DCC: variants seen among roughly 807,000 people sequenced by gnomAD.
DCC encodes DCC netrin 1 receptor, also known as netrin receptor DCC.
In DCC, 58 loss-of-function variants were observed where a neutral mutation model predicts 172.5. That is an observed-to-expected ratio of 0.34 (90% CI 0.27 to 0.42). DCC has a LOEUF of 0.42. Among genes scored for constraint, DCC ranks in the 10% least tolerant of loss-of-function variants. The probability of loss-of-function intolerance (pLI) is 1.00; values close to 1 mark genes in which losing one functional copy is unlikely to be tolerated. For synonymous variants in DCC, 709 were observed against 644.5 expected, an observed-to-expected ratio of 1.10 and a Z score of -1.52; for missense variants, 1,740 against 1,791.0, an observed-to-expected ratio of 0.97 and a Z score of 0.51.
intron 11 of DCC, among the ~76,000 whole-genome samples, chr18:53,213,174 A>G (rs1241783465): frequency 6.6e-6 from 1 of 152,246 alleles, no homozygotes; most frequent in Non-Finnish European, 1.5e-5. Context: ...AACAAAACAC[A>G]TGATAAATGT....
chr18:53,462,814 C>A (rs2045576530), intron 24 of DCC, among the ~76,000 whole-genome samples: 1 of 152,146 alleles, frequency 6.6e-6, no homozygotes, highest in Admixed American at 6.5e-5. Flanking sequence ...CGTCATGAGG[C>A]CTCTGGGAAA....
chr18:52,810,245 G>A (rs2038168894), intron 2 of DCC, among the ~76,000 whole-genome samples: 1 of 152,144 alleles, frequency 6.6e-6, no homozygotes, highest in African/African-American at 2.4e-5. Context: ...GATGCAGATA[G>A]AGACATCTAA....
At chr18:52,824,116 T>G (rs565989412) in intron 2 of DCC, among the ~76,000 whole-genome samples, 2 of 152,290 alleles carry the variant, frequency 1.3e-5, no homozygotes, top group East Asian at 3.9e-4. Context: ...CTGGTTGACT[T>G]GATTTATTCT....
intron 26 of DCC, among the ~76,000 whole-genome samples, chr18:53,494,500 T>C (rs367779641): frequency 3.9e-5 from 6 of 152,342 alleles, no homozygotes; most frequent in African/African-American, 1.4e-4. Context: ...TGCTCCTGCA[T>C]TGGGTGCATA....
Position 53,082,138 on chromosome 18 carries a change from T to C in DCC, c.1261+15972T>C, listed in dbSNP as rs1022316206. 2.0e-5 allele frequency among the ~76,000 whole-genome samples: 3 copies of C among 152,190 alleles called. No homozygotes were observed. The East Asian group carries it at 5.8e-4, about 29-fold the overall frequency. On this transcript the variant is annotated intron_variant, in intron 7 of 28. Transcript: ENST00000442544. The stretch of plus-strand genomic sequence containing the variant: ...TTCAATGGGGGCTTTCACTGTATTC[T>C]TTAAACTACCCTCGTCCTTATCAAT...
intron 7 of DCC, among the ~76,000 whole-genome samples, chr18:53,106,427 C>T (rs1174852010): frequency 6.6e-6 from 1 of 151,858 alleles, no homozygotes; most frequent in African/African-American, 2.4e-5. Flanking sequence ...GTTATTCTCT[C>T]CAGGTCCAGA....
intron 2 of DCC, among the ~76,000 whole-genome samples, chr18:52,766,462 T>C (rs1162444374): frequency 1.3e-5 from 2 of 151,870 alleles, no homozygotes; most frequent in African/African-American, 4.8e-5. Context: ...CCAGGAAATA[T>C]AAGGTTGCAT....
intron 2 of DCC, among the ~76,000 whole-genome samples, chr18:52,822,970 A>G (rs1163150330): frequency 6.6e-6 from 1 of 152,180 alleles, no homozygotes; most frequent in African/African-American, 2.4e-5. Context: ...GAGAAAATGA[A>G]CTTAAATAGC....
In DCC at chr18:53,263,857, ATAT is replaced by A. The variant is rs539800226; in HGVS notation, c.1912-41717_1912-41715del. On this transcript the variant is annotated intron_variant, in intron 12 of 28. Transcript: ENST00000442544. ...TTTGTAACAAACTCTGACCCTACTG[ATAT>A]TATATCCTTCTCAATTTGCAGTTGT... Among the ~76,000 whole-genome samples, 437 of 152,108 alleles carry A rather than the reference ATAT, an allele frequency of 2.9e-3. 1 individual carries two copies. Among genetic ancestry groups the A allele is most frequent in the Non-Finnish European group, 3.8e-3 (257 of 67,992 alleles).
chr18:52,772,883 A>G (rs2037366809), intron 2 of DCC, among the ~76,000 whole-genome samples: 1 of 152,112 alleles, frequency 6.6e-6, no homozygotes, highest in African/African-American at 2.4e-5. Context: ...TATCCTGGAG[A>G]CTTCCTGCTT....
intron 2 of DCC, among the ~76,000 whole-genome samples, chr18:52,884,023 G>T (rs1290608802): frequency 1.3e-5 from 2 of 151,570 alleles, no homozygotes; most frequent in Non-Finnish European, 2.9e-5. Context: ...AGTATATCAT[G>T]CCACTCTCTC....
At chr18:53,424,290 G>GAAGTAT (rs753593227) in intron 21 of DCC, among the ~76,000 whole-genome samples, 3 of 152,184 alleles carry the variant, frequency 2.0e-5, no homozygotes, top group Non-Finnish European at 2.9e-5. Context: ...TTGTGGCTAT[G>GAAGTAT]AAGTATGAAA....
chr18:53,519,308 A>G (rs967038271), intron 27 of DCC, among the ~76,000 whole-genome samples: 2 of 152,110 alleles, frequency 1.3e-5, no homozygotes, highest in African/African-American at 4.8e-5. Flanking sequence ...TTGAGCACTC[A>G]TTAAATACTT....
chr18:52,910,653 T>C lies in DCC; in HGVS notation c.697+4325T>C, dbSNP rs115652825. On this transcript the variant is annotated intron_variant, in intron 3 of 28. Transcript: ENST00000442544. ...TCATGTCTGAGTGCCAAGCAGGACATTGAATTGCACAATTATAAATCTGCT... is the reference window on the plus strand; with the variant it reads ...TCATGTCTGAGTGCCAAGCAGGACACTGAATTGCACAATTATAAATCTGCT... Among the ~76,000 whole-genome samples, 191 of 152,244 alleles carry C rather than the reference T, an allele frequency of 1.3e-3. 1 individual carries two copies. The highest frequency in any genetic ancestry group is 4.3e-3 in the African/African-American group (177 of 41,568).
chr18:52,404,116 C>T (rs145175641), intron 1 of DCC, among the ~76,000 whole-genome samples: 8 of 151,984 alleles, frequency 5.3e-5, no homozygotes, highest in South Asian at 2.1e-4. Flanking sequence ...CTAAAGACAG[C>T]GGTACAATGA....
intron 2 of DCC, among the ~76,000 whole-genome samples, chr18:52,864,681 C>T (rs2039192821): frequency 6.6e-6 from 1 of 151,992 alleles, no homozygotes; most frequent in Non-Finnish European, 1.5e-5. Flanking sequence ...TATCCTTCCC[C>T]AGCCCCCAAT....
intron 14 of DCC, among the ~76,000 whole-genome samples, chr18:53,334,059 C>T (rs2057563864): frequency 6.6e-6 from 1 of 152,200 alleles, no homozygotes; most frequent in African/African-American, 2.4e-5. Context: ...CCACTCACAT[C>T]TACTCTATAG....
chr18:52,571,886 A>G (rs753813613), intron 1 of DCC, among the ~76,000 whole-genome samples: 9 of 152,194 alleles, frequency 5.9e-5, no homozygotes, highest in Non-Finnish European at 1.2e-4. Flanking sequence ...ACATACAAAG[A>G]TTCCACAGGA....
At chr18:52,439,326 A>C (rs16955015) in intron 1 of DCC, among the ~76,000 whole-genome samples, 10,554 of 152,050 alleles carry the variant, frequency 0.069, 452 homozygotes, top group South Asian at 0.12. Context: ...GTGAAGAAGT[A>C]TACTACCCAC....
Sources: gnomAD v4.1 joint callset for allele counts (sites outside exome capture counted in the v4.1 genomes callset) on GRCh38, gnomAD v4.1.1 for gene constraint, MANE v1.5 for transcripts, NCBI Gene and HGNC (gene_info 2026-07-23, HGNC 2026-07-21) for gene names.